FGGY: variants seen among roughly 807,000 people sequenced by gnomAD.
The protein encoded by FGGY is FGGY carbohydrate kinase domain containing, also known as FGGY carbohydrate kinase domain-containing protein.
In FGGY, 72 loss-of-function variants were observed where a neutral mutation model predicts 71.3. The ratio of observed to expected loss-of-function variants is 1.01; its 90% confidence interval spans 0.84 to 1.23. The LOEUF (loss-of-function observed/expected upper bound fraction) is 1.23. Among genes scored for constraint, FGGY ranks in the 50% most tolerant of loss-of-function variants. FGGY has a pLI of 0.00. For missense variants in FGGY, 668 were observed against 682.3 expected (o/e 0.98, Z 0.23); for synonymous variants, 251 against 250.3 (o/e 1.00, Z -0.02).
chr1:59,314,778 G>C (rs1315372539), intron 1 of FGGY, among the ~76,000 whole-genome samples: 1 of 152,216 alleles, frequency 6.6e-6, no homozygotes, highest in Non-Finnish European at 1.5e-5. Context: ...TTATTTGTGT[G>C]TGTATGCACT....
At chr1:59,707,900 C>T (rs1036191781) in intron 14 of FGGY, among the ~76,000 whole-genome samples, 9 of 152,160 alleles carry the variant, frequency 5.9e-5, no homozygotes, top group African/African-American at 2.2e-4. Context: ...TAGGTGTTTA[C>T]CCACTTGCTA....
At chr1:59,633,928 G>A (rs1006412722) in intron 10 of FGGY, among the ~76,000 whole-genome samples, 6 of 152,118 alleles carry the variant, frequency 3.9e-5, no homozygotes, top group African/African-American at 1.4e-4. Context: ...CCAAAGAGGA[G>A]GGAGGAAAAT....
chr1:59,398,152 G>A (rs2061538909), intron 5 of FGGY, among the ~76,000 whole-genome samples: 1 of 152,058 alleles, frequency 6.6e-6, no homozygotes, highest in African/African-American at 2.4e-5. Flanking sequence ...TTTATTATAG[G>A]TTGCACATGT....
At chr1:59,309,608 T>C (rs969574807) in intron 1 of FGGY, among the ~76,000 whole-genome samples, 1 of 152,212 alleles carries the variant, frequency 6.6e-6, no homozygotes, top group Admixed American at 6.5e-5. Flanking sequence ...AGAGCCATGT[T>C]TGTGGAATGG....
intron 1 of FGGY, among the ~76,000 whole-genome samples, chr1:59,297,593 C>T (rs957672723): frequency 6.6e-5 from 10 of 152,242 alleles, no homozygotes; most frequent in African/African-American, 2.4e-4. Flanking sequence ...GAGGCCAAGG[C>T]GGGTGGATCA....
chr1:59,442,380 T>C (rs2070139778), intron 5 of FGGY, among the ~76,000 whole-genome samples: 1 of 152,248 alleles, frequency 6.6e-6, no homozygotes, highest in Non-Finnish European at 1.5e-5. Context: ...CCCTGAAAGA[T>C]ATTGAAAACC....
chr1:59,341,393 G>T (rs1212670112), intron 3 of FGGY, among the ~76,000 whole-genome samples: 1 of 152,122 alleles, frequency 6.6e-6, no homozygotes, highest in Non-Finnish European at 1.5e-5. Context: ...TCATCTATTT[G>T]CATCCCTTTT....
chr1:59,356,697 A>T (rs1313806140), intron 4 of FGGY, among the ~76,000 whole-genome samples: 1 of 152,220 alleles, frequency 6.6e-6, no homozygotes, highest in Non-Finnish European at 1.5e-5. Context: ...TTTCATTCCA[A>T]ACTAAAGGTT....
At chr1:59,751,409 A>T (rs1403284324) in intron 14 of FGGY, among the ~76,000 whole-genome samples, 1 of 152,198 alleles carries the variant, frequency 6.6e-6, no homozygotes, top group African/African-American at 2.4e-5. Flanking sequence ...TTGAGTATGC[A>T]TCCTCAGTAC....
rs142353065 is a variant in FGGY at position 59,506,279 on chromosome 1, G to A, written c.671-6032G>A. Among the ~76,000 whole-genome samples the A allele has an allele frequency of 3.9e-5, 6 of 152,136 alleles. No homozygotes were observed. The East Asian group carries it at 1.2e-3, about 29-fold the overall frequency. On this transcript the variant is annotated intron_variant, in intron 6 of 15. Coordinates refer to ENST00000303721, the MANE Select transcript of FGGY (RefSeq NM_018291.5). ...CCTACACTGGATCCCAACCCATGCT[G>A]TGACAAAATTCTAGGGTTTTTCTGG... is the stretch of plus-strand genomic sequence containing the variant.
intron 4 of FGGY, among the ~76,000 whole-genome samples, chr1:59,373,684 G>T (rs61788351): frequency 0.19 from 29,173 of 151,982 alleles, 3,339 homozygotes; most frequent in East Asian, 0.35. Flanking sequence ...AACCAAAACA[G>T]CATGGTACTG....
chr1:59,455,233 T>C (rs377059372), intron 5 of FGGY, among the ~76,000 whole-genome samples: 1 of 152,158 alleles, frequency 6.6e-6, no homozygotes, highest in Non-Finnish European at 1.5e-5. Context: ...TATGTCCAGA[T>C]TGGAACTTGG....
chr1:59,733,456 GT>G (rs1206243455), intron 14 of FGGY, among the ~76,000 whole-genome samples: 1 of 118,496 alleles, frequency 8.4e-6, no homozygotes, highest in Non-Finnish European at 1.9e-5. Context: ...GTTTTGTTTT[GT>G]TTTGTTTTTT....
chr1:59,543,658 A>C (rs1393043586), intron 7 of FGGY, among the ~76,000 whole-genome samples: 1 of 152,172 alleles, frequency 6.6e-6, no homozygotes, highest in Non-Finnish European at 1.5e-5. Context: ...GGTTGGAGAG[A>C]GAAGAGAGCT....
intron 5 of FGGY, among the ~76,000 whole-genome samples, chr1:59,379,296 A>G (rs760686422): frequency 1.2e-4 from 18 of 152,100 alleles, no homozygotes; most frequent in Admixed American, 5.9e-4. Context: ...ACAAATCTAG[A>G]TAGTGTATTC....
chr1:59,547,719 A>G (rs531481293), intron 7 of FGGY, among the ~76,000 whole-genome samples: 2 of 152,326 alleles, frequency 1.3e-5, no homozygotes, highest in East Asian at 3.9e-4. Flanking sequence ...TTGACAAGGT[A>G]TGTTGTGAGG....
intron 7 of FGGY, among the ~76,000 whole-genome samples, chr1:59,524,721 C>A (rs2094930014): frequency 6.6e-6 from 1 of 152,142 alleles, no homozygotes; most frequent in African/African-American, 2.4e-5. Flanking sequence ...ATCTAGACGA[C>A]CTGCCTGCAG....
intron 9 of FGGY, among the ~76,000 whole-genome samples, chr1:59,618,470 T>TC (rs1558568582): frequency 6.6e-6 from 1 of 152,130 alleles, no homozygotes; most frequent in Non-Finnish European, 1.5e-5. Flanking sequence ...AAACTGAATC[T>TC]GACTTTTGTG....
chr1:59,475,421 T>C (rs952753266), intron 6 of FGGY, among the ~76,000 whole-genome samples: 5 of 152,272 alleles, frequency 3.3e-5, no homozygotes, highest in Non-Finnish European at 7.3e-5. Flanking sequence ...TAATTAATAA[T>C]GGCTAATGTT....
Sources: allele counts gnomAD v4.1 joint callset (sites outside exome capture counted in the v4.1 genomes callset), GRCh38; gene constraint gnomAD v4.1.1; transcripts MANE v1.5; gene names NCBI Gene and HGNC (gene_info 2026-07-23, HGNC 2026-07-21).